Variants in RGMB observed in about 807,000 individuals in gnomAD.
RGMB encodes the protein repulsive guidance molecule BMP co-receptor b.
RGMB carries 16 observed loss-of-function variants against 26.9 expected under a neutral mutation model. The observed-to-expected ratio is 0.60, with a 90% confidence interval of 0.40 to 0.90. The LOEUF (loss-of-function observed/expected upper bound fraction) is 0.90. Ranked by LOEUF, RGMB falls within the 40% of genes least tolerant of loss-of-function variation. RGMB has a pLI of 0.00. For synonymous variants in RGMB, 225 were observed against 229.3 expected (o/e 0.98, Z 0.17); for missense variants, 512 against 573.3 (o/e 0.89, Z 1.09).
chr5:98,793,019 A>G, intron 2 of RGMB, 66 bp from the exon 3 acceptor site: 3 of 1,329,926 alleles, frequency 2.3e-6, no homozygotes, highest in Non-Finnish European at 3.1e-6. Flanking sequence ...AGCTCTTGCT[A>G]CAGAGGGTTA....
upstream of RGMB, chr5:98,773,461 A>C: frequency 6.5e-6 from 1 of 154,802 alleles, no homozygotes. Context: ...TGGACAGGGA[A>C]CTCGAATTAC....
intron 2 of RGMB, among the ~76,000 whole-genome samples, chr5:98,782,469 A>C (rs549762606): frequency 6.6e-6 from 1 of 152,326 alleles, no homozygotes; most frequent in African/African-American, 2.4e-5. Context: ...TTCTTTAAAA[A>C]ATCTTTTGAA....
upstream of RGMB, chr5:98,770,475 C>A (rs1170553462): frequency 2.3e-6 from 1 of 440,914 alleles, no homozygotes; most frequent in East Asian, 3.6e-5. Context: ...GCGGCGGAGC[C>A]CGCAGGGATT....
At chr5:98,787,819 C>T (rs1351204290) in intron 2 of RGMB, among the ~76,000 whole-genome samples, 2 of 152,316 alleles carry the variant, frequency 1.3e-5, no homozygotes, top group East Asian at 3.9e-4. Context: ...TGGGAAGCAG[C>T]ATTTTTGTGC....
intron 2 of RGMB, among the ~76,000 whole-genome samples, chr5:98,788,503 C>A (rs1452804470): frequency 6.6e-6 from 1 of 152,074 alleles, no homozygotes; most frequent in South Asian, 2.1e-4. Context: ...TAAAAACTCT[C>A]CTGGGTTTTG....
At chr5:98,782,148 A>G (rs1374427860) in intron 2 of RGMB, among the ~76,000 whole-genome samples, 1 of 152,190 alleles carries the variant, frequency 6.6e-6, no homozygotes, top group East Asian at 1.9e-4. Context: ...CACAACCTCT[A>G]GGAGTTGTTG....
intron 2 of RGMB, among the ~76,000 whole-genome samples, chr5:98,789,468 CATTTA>C (rs1746859081): frequency 6.7e-6 from 1 of 149,278 alleles, no homozygotes; most frequent in Admixed American, 6.6e-5. Flanking sequence ...ACCTAATTTT[CATTTA>C]ATATGTTTTT....
chr5:98,774,179 C>G lies in RGMB; in HGVS notation c.109C>G (p.Leu37Val), dbSNP rs1746301696. The G allele has an allele frequency of 6.7e-7, 1 of 1,497,360 alleles. No homozygotes were observed. Among genetic ancestry groups the G allele is most frequent in the African/African-American group, 1.5e-5 (1 of 68,860 alleles). The allele number at this position is 1,497,360 out of a possible 1,614,324, so 92.8% of individuals were successfully genotyped here. ...GCCGCTGGAGCTGCTGCTGCTGCTG[C>G]TGTTCAGCCTCGGGCTGCTCCACGC... ...PPPLELLLLLLFSLGLLHAGD... is the reference protein window; with the variant it reads ...PPPLELLLLLVFSLGLLHAGD... The change falls in exon 1 of 3, where the codon CTG becomes GTG. Residue 37 changes from leucine (L) to valine (V), a missense_variant. Coordinates refer to ENST00000513185, the MANE Select transcript of RGMB (RefSeq NM_001366508.1).
chr5:98,779,222 G>A (rs1382398153), intron 1 of RGMB, among the ~76,000 whole-genome samples: 1 of 152,048 alleles, frequency 6.6e-6, no homozygotes, highest in African/African-American at 2.4e-5. Context: ...TGTTTTTGGC[G>A]TAACCTTAGA....
At chr5:98,774,683 A>AT (rs1329339753) in intron 1 of RGMB, among the ~76,000 whole-genome samples, 3 of 152,158 alleles carry the variant, frequency 2.0e-5, no homozygotes, top group African/African-American at 7.2e-5. Flanking sequence ...AGATGGAAAG[A>AT]TTTTTACCAG....
At chr5:98,776,369 A>G (rs548759043) in intron 1 of RGMB, among the ~76,000 whole-genome samples, 1 of 152,092 alleles carries the variant, frequency 6.6e-6, no homozygotes, top group East Asian at 1.9e-4. Flanking sequence ...GCTTTATTTT[A>G]TTTTATTTTT....
chr5:98,793,086 T>C lies in RGMB; in HGVS notation c.647T>C (p.Ile216Thr). ...CCTTGTACATGCTCCTTCCCACAGA[T>C]CACTATTATCTTCAAAGCCCACCAT... ...PGSSATATNK[I>T]TIIFKAHHEC... The change falls in exon 3 of 3, where the codon ATC becomes ACC. Residue 216 changes from isoleucine to threonine, a missense_variant and splice_region_variant. Coordinates refer to ENST00000513185, the MANE Select transcript of RGMB (RefSeq NM_001366508.1). 1 of 1,594,946 alleles carries C rather than the reference T, an allele frequency of 6.3e-7. No homozygotes were observed.
chr5:98,777,220 T>G (rs530699118), intron 1 of RGMB, among the ~76,000 whole-genome samples: 1 of 152,294 alleles, frequency 6.6e-6, no homozygotes, highest in East Asian at 1.9e-4. Flanking sequence ...TCGTTTGATA[T>G]TTTATGACTA....
chr5:98,780,068 A>G lies in RGMB; in HGVS notation c.625A>G (p.Ser209Gly). ...AAACGTACCTGTGGTCCCTGGATCC[A>G]GTGCTACTGCTACAAATAAGGCAAG... Reference protein sequence around the residue: ...VTNVPVVPGSSATATNKITII... With the variant: ...VTNVPVVPGSGATATNKITII... Residue 209 changes from serine to glycine, a missense_variant, in exon 2 of 3, where the codon AGT (serine) becomes GGT (glycine). Ser to Gly is a moderately conservative substitution (Grantham distance 56). Coordinates refer to ENST00000513185, the MANE Select transcript of RGMB (RefSeq NM_001366508.1). 6.8e-6 allele frequency: 11 copies of G among 1,611,584 alleles called. No homozygotes were observed. The highest frequency in any genetic ancestry group is 9.3e-6 in the Non-Finnish European group (11 of 1,179,740).
chr5:98,790,751 C>G (rs1269443651), intron 2 of RGMB, among the ~76,000 whole-genome samples: 1 of 152,096 alleles, frequency 6.6e-6, no homozygotes, highest in East Asian at 1.9e-4. Flanking sequence ...GTAGTTCTTG[C>G]AGATAATATC....
chr5:98,775,589 T>G (rs1432587466), intron 1 of RGMB, among the ~76,000 whole-genome samples: 1 of 152,220 alleles, frequency 6.6e-6, no homozygotes, highest in Non-Finnish European at 1.5e-5. Flanking sequence ...TAGGTGGGAT[T>G]GTGTCCCCCT....
At chr5:98,786,995 C>T (rs1580288287) in intron 2 of RGMB, among the ~76,000 whole-genome samples, 1 of 152,188 alleles carries the variant, frequency 6.6e-6, no homozygotes, top group South Asian at 2.1e-4. Flanking sequence ...AAACTCACTT[C>T]TCATCTGCTC....
rs943387170 is a variant in RGMB at position 98,795,341 on chromosome 5, T to C, written c.*1588T>C. 1.3e-5 allele frequency: 2 copies of C among 152,252 alleles called. No individual in the cohort carries two copies. Among genetic ancestry groups the C allele is most frequent in the African/African-American group, 4.8e-5 (2 of 41,472 alleles). 9.4% of individuals were successfully genotyped at this position (152,252 alleles called of 1,614,324 possible). A position where few individuals can be genotyped will look rare whatever the true frequency, so the allele number is the denominator to read the frequency against. On this transcript the variant is annotated 3_prime_UTR_variant, in exon 3 of 3. Coordinates refer to ENST00000513185, the MANE Select transcript of RGMB (RefSeq NM_001366508.1). ...TTCAGGCCAAGATTATGCTTAGTTT[T>C]AGTTCTCCAGGTAGTTACTTTTGCC... is the stretch of plus-strand genomic sequence containing the variant.
chr5:98,770,904 C>CAG (rs1746140983), upstream of RGMB: 72 of 394,098 alleles, frequency 1.8e-4, no homozygotes, highest in East Asian at 2.6e-3. Flanking sequence ...GGCCGGGGAG[C>CAG]AGCCGGGGAG....
Sources: gnomAD v4.1 joint callset for allele counts (sites outside exome capture counted in the v4.1 genomes callset) on GRCh38, gnomAD v4.1.1 for gene constraint, MANE v1.5 for transcripts, NCBI Gene and HGNC (gene_info 2026-07-23, HGNC 2026-07-21) for gene names.